LCOR: variants seen among roughly 807,000 people sequenced by gnomAD.
LCOR encodes the protein ligand dependent nuclear receptor corepressor, also known as ligand-dependent corepressor.
In LCOR, 14 loss-of-function variants were observed where a neutral mutation model predicts 64.4. The ratio of observed to expected loss-of-function variants is 0.22; its 90% CI spans 0.14 to 0.34. The LOEUF (loss-of-function observed/expected upper bound fraction) is 0.34, where lower values mean the gene tolerates loss of function less well. Ranked by LOEUF, LCOR falls within the 10% of genes least tolerant of loss-of-function variation. The pLI is 1.00. For missense variants in LCOR, 1,686 were observed against 1,765.3 expected (o/e 0.96, Z 0.80); for synonymous variants, 643 against 642.5 (o/e 1.00, Z -0.01).
intron 7 of LCOR, chr10:96,958,151 GC>G: frequency 2.4e-6 from 3 of 1,248,812 alleles, no homozygotes; most frequent in Non-Finnish European, 3.0e-6. Flanking sequence ...ATATTCAGTA[GC>G]CCAGGATTGC....
intron 4 of LCOR, among the ~76,000 whole-genome samples, chr10:96,941,025 A>ACC (rs552563856): frequency 1.4e-5 from 1 of 70,624 alleles, no homozygotes; most frequent in African/African-American, 7.0e-5. Flanking sequence ...CGGGGGGCTG[A>ACC]CCCCCCCACC....
chr10:96,976,000 A>T (rs1848037232), intron 7 of LCOR, among the ~76,000 whole-genome samples: 1 of 152,144 alleles, frequency 6.6e-6, no homozygotes, highest in Admixed American at 6.5e-5. Flanking sequence ...AGGCAACAAC[A>T]GCGAAACACA....
intron 2 of LCOR, among the ~76,000 whole-genome samples, chr10:96,887,473 G>T (rs1846363229): frequency 6.6e-6 from 1 of 151,634 alleles, no homozygotes. Context: ...TGAGGCAGGA[G>T]AATGGCGTGA....
chr10:96,861,354 T>C (rs1418024159), intron 2 of LCOR, among the ~76,000 whole-genome samples: 2 of 152,216 alleles, frequency 1.3e-5, no homozygotes, highest in Non-Finnish European at 2.9e-5. Flanking sequence ...CTAACACTTA[T>C]AAATATTTTT....
rs759335426 is a variant in LCOR at position 96,873,571 on chromosome 10, C to CACGTGT, written c.-329-33694_-329-33693insACGTGT. On this transcript the variant is annotated intron_variant, in intron 2 of 7. Transcript: ENST00000421806. ...TTGTTTTTCGATACACACACACACA[C>CACGTGT]GTGTGTGTGTGTGTGTGTGTGTGTG... is the stretch of plus-strand genomic sequence containing the variant. 4.7e-4 allele frequency among the ~76,000 whole-genome samples: 59 copies of CACGTGT among 126,382 alleles called. No homozygotes were observed. The East Asian group carries it at 0.013, about 27-fold the overall frequency. The allele number at this position is 126,382 out of a possible 152,430, so 82.9% of individuals were successfully genotyped here.
At chr10:96,877,229 T>C in intron 2 of LCOR, among the ~76,000 whole-genome samples, 1 of 152,086 alleles carries the variant, frequency 6.6e-6, no homozygotes, top group East Asian at 1.9e-4. Context: ...TTCATAATGA[T>C]GCTTTAAAAA....
In LCOR at chr10:96,971,890, G is replaced by A. The variant is rs149143100; in HGVS notation, c.333-8903G>A. On this transcript the variant is annotated intron_variant, in intron 7 of 7. Coordinates refer to ENST00000421806, the MANE Select transcript of LCOR (RefSeq NM_001346516.2). ...AAATAACAGGCCTTATAACTCTTAC[G>A]TCTGCATGTGTGCCTACACATTCAG... Among the ~76,000 whole-genome samples the A allele has an allele frequency of 4.3e-3, 657 of 152,186 alleles. 9 individuals carry two copies. The highest frequency in any genetic ancestry group is 5.5e-3 in the Non-Finnish European group (377 of 68,012).
intron 2 of LCOR, among the ~76,000 whole-genome samples, chr10:96,897,866 C>CTTTTTTTTT (rs59098946): frequency 4.3e-5 from 5 of 116,250 alleles, no homozygotes; most frequent in Non-Finnish European, 3.6e-5. Context: ...AGAAAGCCAT[C>CTTTTTTTTT]TTTTTTTTTT....
chr10:96,958,961 ATT>A (rs1177248670), intron 7 of LCOR: 5 of 151,036 alleles, frequency 3.3e-5, no homozygotes, highest in African/African-American at 1.2e-4. Context: ...AAAGATATAT[ATT>A]TTACCTTATT....
intron 2 of LCOR, among the ~76,000 whole-genome samples, chr10:96,846,387 G>A (rs1320695953): frequency 6.6e-6 from 1 of 152,000 alleles, no homozygotes; most frequent in Non-Finnish European, 1.5e-5. Flanking sequence ...CCTGAGGCTG[G>A]GACCACAGGT....
At chr10:96,874,628 T>C (rs1218374097) in intron 2 of LCOR, among the ~76,000 whole-genome samples, 1 of 152,020 alleles carries the variant, frequency 6.6e-6, no homozygotes, top group Admixed American at 6.5e-5. Flanking sequence ...TAGAGTACCC[T>C]ATGACTAGAG....
rs376825730 is a variant in LCOR, at chr10:96,839,363, G to T, written c.-330+5884G>T. 4.6e-5 allele frequency among the ~76,000 whole-genome samples: 7 copies of T among 152,250 alleles called. No homozygotes were observed. In the East Asian group the frequency reaches 1.2e-3, roughly 25 times the overall value. ...CACTGTAACAAAAGCTAAACTGCAG[G>T]ATACCTTATGAAGAGAATAAGGAGC... On this transcript the variant is annotated intron_variant, in intron 2 of 7. Coordinates refer to ENST00000421806, the MANE Select transcript of LCOR (RefSeq NM_001346516.2).
intron 2 of LCOR, among the ~76,000 whole-genome samples, chr10:96,888,280 G>T (rs961833542): frequency 2.2e-5 from 3 of 137,370 alleles, no homozygotes; most frequent in Admixed American, 1.7e-4. Flanking sequence ...CAGGAGAATC[G>T]CTTGAACCCG....
intron 7 of LCOR, chr10:96,955,580 C>T (rs1257431072): frequency 6.2e-7 from 1 of 1,614,144 alleles, no homozygotes; most frequent in Non-Finnish European, 8.5e-7. Flanking sequence ...AGCAGTCTAC[C>T]TCTGGACAGC....
chr10:96,981,874 G>A lies in LCOR; in HGVS notation c.1414G>A (p.Val472Ile), dbSNP rs1848090624. 4 of 1,614,088 alleles carry A rather than the reference G, an allele frequency of 2.5e-6. No homozygotes were observed. The highest frequency in any genetic ancestry group is 3.4e-6 in the Non-Finnish European group (4 of 1,180,052). Residue 472 changes from valine (V) to isoleucine (I), a missense_variant, in exon 8 of 8, where the codon GTT becomes ATT. Physicochemically the swap from Val to Ile is conservative, Grantham distance 29. Coordinates refer to ENST00000421806, the MANE Select transcript of LCOR (RefSeq NM_001346516.2). ...AAATGATTATGATAACCAGTGTGAT[G>A]TTGTTTATATCAGTCAACCAATAAC... ...RINDYDNQCD[V>I]VYISQPITEC...
intron 2 of LCOR, among the ~76,000 whole-genome samples, chr10:96,895,387 C>T (rs545610829): frequency 3.3e-5 from 5 of 152,256 alleles, no homozygotes; most frequent in African/African-American, 7.2e-5. Flanking sequence ...TTGATGTATA[C>T]CCTCTATGGG....
chr10:96,971,257 G>T (rs914395438), intron 7 of LCOR, among the ~76,000 whole-genome samples: 2 of 151,908 alleles, frequency 1.3e-5, no homozygotes, highest in African/African-American at 4.8e-5. Flanking sequence ...TTTTTGAAAG[G>T]TTATTCTTTT....
At chr10:96,865,010 AAAG>A (rs1845947600) in intron 2 of LCOR, among the ~76,000 whole-genome samples, 1 of 152,202 alleles carries the variant, frequency 6.6e-6, no homozygotes, top group African/African-American at 2.4e-5. Flanking sequence ...ATTTCTGAGA[AAAG>A]AAAATTTAAT....
At chr10:96,880,112 T>A (rs1846237247) in intron 2 of LCOR, among the ~76,000 whole-genome samples, 2 of 152,264 alleles carry the variant, frequency 1.3e-5, no homozygotes, top group Admixed American at 1.3e-4. Flanking sequence ...CTTAAGGATC[T>A]GGCTGGTCTT....
Sources: allele counts gnomAD v4.1 joint callset (sites outside exome capture counted in the v4.1 genomes callset), GRCh38; gene constraint gnomAD v4.1.1; transcripts MANE v1.5; gene names NCBI Gene and HGNC (gene_info 2026-07-23, HGNC 2026-07-21).